Variants in TRPM3 observed in about 807,000 individuals in gnomAD.
TRPM3 encodes the protein transient receptor potential cation channel subfamily M member 3.
TRPM3 carries 77 observed loss-of-function variants against 181.2 expected under a neutral mutation model. That is an observed-to-expected ratio of 0.42 (90% CI 0.35 to 0.51). The LOEUF (loss-of-function observed/expected upper bound fraction) is 0.51, where lower values mean the gene tolerates loss of function less well. Among genes scored for constraint, TRPM3 ranks in the 20% least tolerant of loss-of-function variants. TRPM3 has a pLI of 0.01. For missense variants in TRPM3, 1,759 were observed against 2,196.7 expected (o/e 0.80, Z 3.98); for synonymous variants, 745 against 796.4 (o/e 0.94, Z 1.09).
At chr9:70,789,974 T>G (rs2084964889) in intron 6 of TRPM3, among the ~76,000 whole-genome samples, 1 of 152,228 alleles carries the variant, frequency 6.6e-6, no homozygotes. Context: ...TGAAAGAATG[T>G]CTTAAAATTC....
intron 1 of TRPM3, among the ~76,000 whole-genome samples, chr9:71,188,673 C>T (rs529717172): frequency 6.6e-6 from 1 of 151,974 alleles, no homozygotes; most frequent in Admixed American, 6.6e-5. Context: ...GACCTCTCAG[C>T]ACTGCCCTTC....
Position 70,625,516 on chromosome 9 carries a change from C to A in TRPM3, c.1634G>T (p.Arg545Leu), listed in dbSNP as rs776387715. 2.5e-6 allele frequency: 4 copies of A among 1,611,772 alleles called. No homozygotes were observed. The East Asian group carries it at 6.7e-5, about 27-fold the overall frequency. The change falls in exon 13 of 26, where the codon CGA becomes CTA. Residue 545 changes from arginine (R) to leucine (L), a missense_variant and splice_region_variant. Coordinates refer to ENST00000677713, the MANE Select transcript of TRPM3 (RefSeq NM_001366145.2). The surrounding 1 kb of genome is among the most constrained non-coding windows in gnomAD (Gnocchi z 4.8). ...GATCCAACCGAAACCTGGATACTCT[C>A]GCTTGGAAAGAAGACATAAGTTAAA... ...LYHLVRDVKK[R>L]EYPGFGWIYF...
chr9:71,116,222 C>T (rs78817600), intron 1 of TRPM3, among the ~76,000 whole-genome samples: 2,203 of 152,210 alleles, frequency 0.014, 43 homozygotes, highest in East Asian at 0.078. Context: ...AATAGGTGTG[C>T]ATTTCCTCTC....
chr9:71,235,730 TC>T (rs1350001823), intron 1 of TRPM3, among the ~76,000 whole-genome samples: 1 of 152,198 alleles, frequency 6.6e-6, no homozygotes, highest in Non-Finnish European at 1.5e-5. Context: ...AGATATTACA[TC>T]TGCAATACTG....
intron 1 of TRPM3, among the ~76,000 whole-genome samples, chr9:70,898,803 T>C (rs1202360288): frequency 6.6e-6 from 1 of 151,262 alleles, no homozygotes; most frequent in African/African-American, 2.4e-5. Flanking sequence ...AAAAATTTAC[T>C]GGTTTCGTTC....
chr9:71,372,202 T>C (rs1159616625), intron 1 of TRPM3, among the ~76,000 whole-genome samples: 3 of 152,194 alleles, frequency 2.0e-5, no homozygotes, highest in Non-Finnish European at 4.4e-5. Context: ...TATATATGTA[T>C]TAATACCACA....
chr9:71,043,014 A>T (rs2059008113), intron 1 of TRPM3, among the ~76,000 whole-genome samples: 1 of 152,214 alleles, frequency 6.6e-6, no homozygotes. Flanking sequence ...CATGAGCATG[A>T]CTGCATTTGG....
At chr9:71,232,193 T>C (rs1386643394) in intron 1 of TRPM3, among the ~76,000 whole-genome samples, 2 of 152,164 alleles carry the variant, frequency 1.3e-5, no homozygotes, top group South Asian at 2.1e-4. Context: ...AGAGGGAATC[T>C]GAGCTTCCAA....
At chr9:71,297,055 G>C (rs567596642) in intron 1 of TRPM3, among the ~76,000 whole-genome samples, 3 of 140,250 alleles carry the variant, frequency 2.1e-5, no homozygotes, top group Non-Finnish European at 4.5e-5. Flanking sequence ...GCAATGGCAC[G>C]ATCTCTGCTC....
intron 1 of TRPM3, among the ~76,000 whole-genome samples, chr9:71,018,742 A>C (rs2097809967): frequency 1.3e-5 from 2 of 151,912 alleles, no homozygotes; most frequent in Admixed American, 1.3e-4. Flanking sequence ...TACCAAACTT[A>C]ACCAAATACT....
intron 1 of TRPM3, among the ~76,000 whole-genome samples, chr9:71,297,541 G>A (rs1345138130): frequency 3.3e-5 from 5 of 152,156 alleles, no homozygotes; most frequent in Non-Finnish European, 7.3e-5. Context: ...TAAGGAGAAT[G>A]AGATCGGAAT....
chr9:71,024,196 AAC>A (rs1370861207), intron 1 of TRPM3, among the ~76,000 whole-genome samples: 5 of 152,206 alleles, frequency 3.3e-5, no homozygotes, highest in African/African-American at 9.7e-5. Context: ...TATAAATAAA[AAC>A]ACAAAATACT....
At chr9:70,904,070 G>A (rs1417759169) in intron 1 of TRPM3, among the ~76,000 whole-genome samples, 1 of 151,984 alleles carries the variant, frequency 6.6e-6, no homozygotes, top group Non-Finnish European at 1.5e-5. Context: ...AGAAACACAA[G>A]AATTAGCAAG....
intron 6 of TRPM3, among the ~76,000 whole-genome samples, chr9:70,813,033 A>C (rs1192703346): frequency 6.6e-6 from 1 of 152,240 alleles, no homozygotes; most frequent in Non-Finnish European, 1.5e-5. Flanking sequence ...CAAGGAGTTT[A>C]GAGTTCAGGT....
chr9:70,679,898 G>A (rs1297838011), intron 9 of TRPM3, among the ~76,000 whole-genome samples: 1 of 152,140 alleles, frequency 6.6e-6, no homozygotes, highest in African/African-American at 2.4e-5. Context: ...GGAGAGTGGG[G>A]CCTGCAGTAT....
Position 70,535,738 on chromosome 9 carries a change from T to C in TRPM3, c.*215A>G. On this transcript the variant is annotated 3_prime_UTR_variant, in exon 26 of 26. Coordinates refer to ENST00000677713, the MANE Select transcript of TRPM3 (RefSeq NM_001366145.2). ...CCTCCCTGCCCAGCAAGTGTGAACA[T>C]GCCTTAAATCCCCTGTGTCTGGCAC... 1.4e-6 allele frequency: 2 copies of C among 1,445,454 alleles called. No individual in the cohort carries two copies. The highest frequency in any genetic ancestry group is 1.8e-6 in the Non-Finnish European group (2 of 1,106,700). The allele number at this position is 1,445,454 out of a possible 1,614,324, so 89.5% of individuals were successfully genotyped here.
chr9:70,744,512 A>G (rs1366985126), intron 8 of TRPM3, among the ~76,000 whole-genome samples: 3 of 152,190 alleles, frequency 2.0e-5, no homozygotes, highest in Non-Finnish European at 4.4e-5. Context: ...CACTATAAGC[A>G]TTATTACACA....
intron 8 of TRPM3, among the ~76,000 whole-genome samples, chr9:70,740,954 T>C (rs1485414233): frequency 6.6e-6 from 1 of 152,068 alleles, no homozygotes; most frequent in Non-Finnish European, 1.5e-5. Flanking sequence ...AAAACAAAGA[T>C]GAATAGATGG....
At chr9:71,193,223 C>T (rs2078138097) in intron 1 of TRPM3, among the ~76,000 whole-genome samples, 1 of 151,708 alleles carries the variant, frequency 6.6e-6, no homozygotes, top group Non-Finnish European at 1.5e-5. Flanking sequence ...ATTTCCCCCA[C>T]GTGGTCATCA....
Sources: allele counts gnomAD v4.1 joint callset (sites outside exome capture counted in the v4.1 genomes callset), GRCh38; gene constraint gnomAD v4.1.1; non-coding constraint Gnocchi (gnomAD v3.1); transcripts MANE v1.5; gene names NCBI Gene and HGNC (gene_info 2026-07-23, HGNC 2026-07-21).